ZMIZ1: variants seen among roughly 807,000 people sequenced by gnomAD.
ZMIZ1 encodes the protein zinc finger MIZ domain-containing protein 1.
Under a neutral mutation model 113.9 loss-of-function variants are expected in ZMIZ1, and 17 were observed. The observed-to-expected ratio is 0.15, with a 90% CI of 0.10 to 0.22. ZMIZ1 has a LOEUF of 0.22. Ranked by LOEUF, ZMIZ1 falls within the 10% of genes least tolerant of loss-of-function variation. ZMIZ1 has a pLI of 1.00. For missense variants in ZMIZ1, 1,059 were observed against 1,477.8 expected, an observed-to-expected ratio of 0.72 and a Z score of 4.65; for synonymous variants, 607 against 603.1, an observed-to-expected ratio of 1.01 and a Z score of -0.09.
intron 4 of ZMIZ1, among the ~76,000 whole-genome samples, chr10:79,174,064 G>C (rs1220302230): frequency 3.3e-5 from 5 of 152,244 alleles, no homozygotes. Context: ...ATTGCTTCAT[G>C]GGGCCCACTT....
intron 7 of ZMIZ1, among the ~76,000 whole-genome samples, chr10:79,217,371 A>C (rs1290740988): frequency 6.6e-6 from 1 of 152,002 alleles, no homozygotes; most frequent in Non-Finnish European, 1.5e-5. Flanking sequence ...CTTGCAGTGA[A>C]CCGAGATCGC....
Position 79,311,170 on chromosome 10 carries a change from G to C in ZMIZ1, c.3082G>C (p.Glu1028Gln). The C allele has an allele frequency of 1.9e-6, 3 of 1,611,870 alleles. No homozygotes were observed. Among genetic ancestry groups the C allele is most frequent in the Non-Finnish European group, 2.5e-6 (3 of 1,178,946 alleles). The change falls in exon 24 of 25, where the codon GAG becomes CAG. Residue 1028 changes from glutamate (E) to glutamine (Q), a missense_variant. Glu to Gln is a conservative substitution (Grantham distance 29). Around this residue, in one of 6 missense-constraint regions of ZMIZ1, gnomAD observed 225 missense variants for 276.0 expected, o/e 0.82. Coordinates refer to ENST00000334512, the MANE Select transcript of ZMIZ1 (RefSeq NM_020338.4). ...AGCGCAGGGAGCGTCCGACATGCCG[G>C]AGCCTTCGCTGGATGTAAGTTGGGG... ...AGAQGASDMP[E>Q]PSLDLLPELT...
At chr10:79,173,520 C>T (rs1487432391) in intron 4 of ZMIZ1, among the ~76,000 whole-genome samples, 2 of 149,282 alleles carry the variant, frequency 1.3e-5, no homozygotes, top group East Asian at 2.1e-4. Context: ...GAGCAGGGGG[C>T]GGGGTGGCTT....
In ZMIZ1 at chr10:79,268,922, G is replaced by T. The variant is rs117789779; in HGVS notation, c.281-8259G>T. ...CCGGCAGGGCTGCAGAAGGTGATTG[G>T]ATTGGAGCAGGCAAGGAGCAAAGGG... On this transcript the variant is annotated intron_variant, in intron 7 of 24. Transcript: ENST00000334512. Among the ~76,000 whole-genome samples, 136 of 152,334 alleles carry T rather than the reference G, an allele frequency of 8.9e-4. 1 individual carries two copies. The East Asian group carries it at 0.024, about 27-fold the overall frequency.
chr10:79,173,312 C>CTCA (rs1489237403), intron 4 of ZMIZ1, among the ~76,000 whole-genome samples: 1 of 152,112 alleles, frequency 6.6e-6, no homozygotes, highest in Non-Finnish European at 1.5e-5. Context: ...TTTTTTTTAG[C>CTCA]TCATCAGCTG....
intron 3 of ZMIZ1, among the ~76,000 whole-genome samples, chr10:79,147,963 G>A (rs546250705): frequency 6.6e-6 from 1 of 152,342 alleles, no homozygotes; most frequent in Non-Finnish European, 1.5e-5. Context: ...CTGCAGAGTG[G>A]GGCCTCCCCA....
intron 6 of ZMIZ1, among the ~76,000 whole-genome samples, chr10:79,212,247 T>G (rs998243435): frequency 6.6e-6 from 1 of 152,084 alleles, no homozygotes; most frequent in Non-Finnish European, 1.5e-5. Context: ...AGCCTTGACC[T>G]CCTGGGCTTA....
In ZMIZ1 at chr10:79,234,856, C is replaced by T. The variant is rs113377901; in HGVS notation, c.280+18582C>T. On this transcript the variant is annotated intron_variant, in intron 7 of 24. Coordinates refer to ENST00000334512, the MANE Select transcript of ZMIZ1 (RefSeq NM_020338.4). ...CCAGACTTGGGGAGGCCAGTGCCCC[C>T]GGCAGCAAAGAGAGGTATGGCATCT... Among the ~76,000 whole-genome samples, 1,462 of 151,922 alleles carry T rather than the reference C, an allele frequency of 9.6e-3. 28 individuals carry two copies. The highest frequency in any genetic ancestry group is 0.033 in the African/African-American group (1,373 of 41,390).
intron 1 of ZMIZ1, among the ~76,000 whole-genome samples, chr10:79,087,420 T>C (rs192472557): frequency 1.8e-4 from 27 of 152,292 alleles, no homozygotes; most frequent in Admixed American, 1.2e-3. Flanking sequence ...ATGTCCCCAT[T>C]CCCCTGCCCA....
intron 4 of ZMIZ1, among the ~76,000 whole-genome samples, chr10:79,197,154 C>T (rs987640209): frequency 1.3e-5 from 2 of 152,240 alleles, no homozygotes; most frequent in Non-Finnish European, 2.9e-5. Flanking sequence ...CTTCTGTCTC[C>T]TCCAGCTAGG....
rs188001345 is a variant in ZMIZ1 at position 79,274,385 on chromosome 10, G to A, written c.281-2796G>A. Among the ~76,000 whole-genome samples the A allele has an allele frequency of 2.9e-4, 44 of 152,252 alleles. No individual in the cohort carries two copies. The East Asian group carries it at 7.9e-3, about 27-fold the overall frequency. ...TCCCAGTCCAGATGTGTGAGTGACT[G>A]GCCAGGCGCACCCAGACACCCGCCC... On this transcript the variant is annotated intron_variant, in intron 7 of 24. Transcript: ENST00000334512.
At chr10:79,074,400 C>G (rs704013) in intron 1 of ZMIZ1, among the ~76,000 whole-genome samples, 13,855 of 152,238 alleles carry the variant, frequency 0.091, 934 homozygotes, top group African/African-American at 0.19. Flanking sequence ...TGTCTTCCCC[C>G]TCCCATATGG....
intron 7 of ZMIZ1, among the ~76,000 whole-genome samples, chr10:79,257,631 G>A (rs1851002160): frequency 6.6e-6 from 1 of 152,200 alleles, no homozygotes; most frequent in Non-Finnish European, 1.5e-5. Flanking sequence ...TGATGTTCAG[G>A]GAAGAAGCTG....
intron 7 of ZMIZ1, among the ~76,000 whole-genome samples, chr10:79,273,458 G>C (rs1308788287): frequency 6.6e-6 from 1 of 152,164 alleles, no homozygotes; most frequent in African/African-American, 2.4e-5. Context: ...ACCTCCCGAG[G>C]TCAAGCAATT....
Position 79,304,856 on chromosome 10 carries a change from G to A in ZMIZ1, c.2287-308G>A, listed in dbSNP as rs1854571446. ...TGAAGGGGCTACCCCTGGCCTGGTT[G>A]AAAGGGGCTATTACAGGGCAAAAAA... On this transcript the variant is annotated intron_variant, in intron 19 of 24. Transcript: ENST00000334512. Among the ~76,000 whole-genome samples, 3 of 152,314 alleles carry A rather than the reference G, an allele frequency of 2.0e-5. No homozygotes were observed. In the South Asian group the frequency reaches 6.2e-4, roughly 32 times the overall value.
intron 7 of ZMIZ1, among the ~76,000 whole-genome samples, chr10:79,232,620 TAC>T (rs1281394749): frequency 6.6e-6 from 1 of 152,090 alleles, no homozygotes; most frequent in East Asian, 1.9e-4. Context: ...AGGCTGGCAT[TAC>T]TCCTGCTATT....
intron 8 of ZMIZ1, among the ~76,000 whole-genome samples, chr10:79,277,666 G>T (rs776648752): frequency 2.0e-5 from 3 of 152,192 alleles, no homozygotes; most frequent in Non-Finnish European, 4.4e-5. Context: ...TCTCAGGAAG[G>T]CCACGGGGTT....
intron 7 of ZMIZ1, among the ~76,000 whole-genome samples, chr10:79,262,285 C>A (rs1851317224): frequency 6.6e-6 from 1 of 152,238 alleles, no homozygotes; most frequent in South Asian, 2.1e-4. Flanking sequence ...GGCTCCACCC[C>A]AGACCCACTG....
chr10:79,293,092 C>T (rs1853618418), intron 11 of ZMIZ1, among the ~76,000 whole-genome samples: 2 of 152,098 alleles, frequency 1.3e-5, no homozygotes, highest in African/African-American at 4.8e-5. Flanking sequence ...GCCTGCCTCC[C>T]TCCCTGGAAA....
Sources: gnomAD v4.1 joint callset for allele counts (sites outside exome capture counted in the v4.1 genomes callset) on GRCh38, gnomAD v4.1.1 for gene constraint, gnomAD v4.1.1 regional missense constraint, MANE v1.5 for transcripts, NCBI Gene and HGNC (gene_info 2026-07-23, HGNC 2026-07-21) for gene names.